The following SEC14L2 variants were observed in gnomAD, a reference collection of about 807,000 sequenced individuals.
The protein encoded by SEC14L2 is SEC14 like lipid binding 2, also known as SEC14-like protein 2.
SEC14L2 carries 50 observed loss-of-function variants against 56.9 expected under a neutral mutation model. The ratio of observed to expected loss-of-function variants is 0.88; its 90% CI spans 0.70 to 1.11. SEC14L2 has a LOEUF of 1.11. Among genes scored for constraint, SEC14L2 ranks in the 50% most tolerant of loss-of-function variants. SEC14L2 has a pLI of 0.00. For synonymous variants in SEC14L2, 179 were observed against 188.5 expected, an observed-to-expected ratio of 0.95 and a Z score of 0.41; for missense variants, 414 against 500.7, an observed-to-expected ratio of 0.83 and a Z score of 1.65.
At chr22:30,405,415 G>A (rs573563141) in intron 2 of SEC14L2, among the ~76,000 whole-genome samples, 1 of 152,274 alleles carries the variant, frequency 6.6e-6, no homozygotes, top group East Asian at 1.9e-4. Context: ...GGGAGCAAGT[G>A]GCCTTGGGGG....
At chr22:30,399,834 G>C (rs1933876714) in intron 2 of SEC14L2, 116 bp downstream of exon 2, 2 of 756,084 alleles carry the variant, frequency 2.6e-6, no homozygotes, top group Non-Finnish European at 4.2e-6. Flanking sequence ...CCAACCTTTA[G>C]CGCCAAAGGG....
chr22:30,407,058 CCCT>C (rs1341437015), intron 3 of SEC14L2, 34 bp from the exon 4 acceptor site: 1 of 1,607,346 alleles, frequency 6.2e-7, no homozygotes, highest in African/African-American at 1.3e-5. Context: ...GGCTGTCCAT[CCCT>C]CCTTTTAAAA....
chr22:30,411,742 C>CAAAA (rs60530235), intron 8 of SEC14L2, among the ~76,000 whole-genome samples: 2 of 67,810 alleles, frequency 2.9e-5, no homozygotes, highest in African/African-American at 6.5e-5. Context: ...GACTCCGTCT[C>CAAAA]AAAAAAAAAA....
chr22:30,409,580 AG>A, intron 7 of SEC14L2, 94 bp downstream of exon 7: 1 of 1,144,092 alleles, frequency 8.7e-7, no homozygotes, highest in Non-Finnish European at 1.3e-6. Flanking sequence ...GAGCCAAAAG[AG>A]GGGGTCTGAG....
At chr22:30,412,847 A>C (rs200290209) in intron 8 of SEC14L2, among the ~76,000 whole-genome samples, 1 of 130,286 alleles carries the variant, frequency 7.7e-6, no homozygotes, top group Non-Finnish European at 1.6e-5. Context: ...AAACAAAAAA[A>C]CAAAAAAAAA....
intron 2 of SEC14L2, among the ~76,000 whole-genome samples, chr22:30,402,219 A>C (rs1198255533): frequency 6.6e-6 from 1 of 152,172 alleles, no homozygotes; most frequent in African/African-American, 2.4e-5. Context: ...CTGCAGCTAG[A>C]AGCAGGTGGG....
intron 4 of SEC14L2, 113 bp from the exon 5 acceptor site, chr22:30,407,302 T>C (rs1160736867): frequency 1.4e-6 from 2 of 1,444,548 alleles, no homozygotes; most frequent in Non-Finnish European, 1.9e-6. Flanking sequence ...CATCTGTTGG[T>C]ACCCAGGAGA....
chr22:30,400,320 G>A (rs553791365), intron 2 of SEC14L2: 1 of 152,470 alleles, frequency 6.6e-6, no homozygotes, highest in African/African-American at 2.4e-5. Context: ...CCTTGTTCAG[G>A]GTAAATACTT....
intron 11 of SEC14L2, chr22:30,416,955 A>C (rs922529361): frequency 1.4e-6 from 1 of 690,826 alleles, no homozygotes; most frequent in Middle Eastern, 7.3e-4. Context: ...AATACCATTA[A>C]AATTCCCCTT....
chr22:30,407,683 A>G, intron 5 of SEC14L2, 80 bp downstream of exon 5: 4 of 1,329,554 alleles, frequency 3.0e-6, no homozygotes, highest in Middle Eastern at 4.0e-4. Context: ...ACACAGGAAT[A>G]TAAGCACAGC....
chr22:30,407,619 T>C lies in SEC14L2; in HGVS notation c.423+16T>C. 3.1e-6 allele frequency: 5 copies of C among 1,608,078 alleles called. No homozygotes were observed. Among genetic ancestry groups the C allele is most frequent in the African/African-American group, 1.3e-5 (1 of 74,752 alleles). The stretch of plus-strand genomic sequence containing the variant: ...GACCACAAAGGTGAGTGGACCACCA[T>C]GGCTAGAAATGAGTTGACCACAGCA... On this transcript the variant is annotated intron_variant, in intron 5 of 11. Coordinates refer to ENST00000615189, the MANE Select transcript of SEC14L2 (RefSeq NM_012429.5).
chr22:30,403,126 T>C (rs1933987879), intron 2 of SEC14L2, among the ~76,000 whole-genome samples: 2 of 152,138 alleles, frequency 1.3e-5, no homozygotes, highest in Non-Finnish European at 2.9e-5. Context: ...CTTTTCTCTT[T>C]CTCTCCTTCA....
rs1379171709 is a variant in SEC14L2, at chr22:30,416,025, G to A, written c.849G>A (p.Gln283=). ...QVKQQYEHSV[Q]ISRGSSHQVE... ...AACAGCAGTATGAACACAGCGTGCA[G>A]ATTTCCCGTGGCTCCTCCCACCAAG... The change falls in exon 10 of 12, where the codon CAG becomes CAA. Residue 283 remains glutamine (Q), a synonymous_variant. Coordinates refer to ENST00000615189, the MANE Select transcript of SEC14L2 (RefSeq NM_012429.5). 1 of 1,614,262 alleles carries A rather than the reference G, an allele frequency of 6.2e-7. No individual in the cohort carries two copies. The highest frequency in any genetic ancestry group is 8.5e-7 in the Non-Finnish European group (1 of 1,180,052).
intron 1 of SEC14L2, 126 bp from the exon 2 acceptor site, chr22:30,399,513 CAAAA>C (rs60817387): frequency 0.044 from 10,566 of 239,592 alleles, no homozygotes; most frequent in South Asian, 0.091. Context: ...GACTCTATCT[CAAAA>C]AAAAAAAAAA....
intron 2 of SEC14L2, among the ~76,000 whole-genome samples, chr22:30,401,186 G>GATTT (rs55835116): frequency 0.24 from 34,825 of 146,294 alleles, 4,797 homozygotes; most frequent in South Asian, 0.42. Flanking sequence ...GGTCTCAAGT[G>GATTT]ATTTATTTAT....
intron 8 of SEC14L2, among the ~76,000 whole-genome samples, chr22:30,413,114 C>T (rs1200548121): frequency 6.6e-6 from 1 of 152,200 alleles, no homozygotes; most frequent in Non-Finnish European, 1.5e-5. Context: ...TATCAAATAA[C>T]AGCAGCAGCT....
intron 8 of SEC14L2, among the ~76,000 whole-genome samples, chr22:30,411,684 T>G (rs962713239): frequency 7.8e-6 from 1 of 128,058 alleles, no homozygotes; most frequent in Admixed American, 9.6e-5. Flanking sequence ...AGGTGGAAGG[T>G]TGCAGTGAGC....
intron 8 of SEC14L2, 71 bp downstream of exon 8, chr22:30,410,750 G>A: frequency 7.0e-7 from 1 of 1,430,684 alleles, no homozygotes; most frequent in Non-Finnish European, 9.9e-7. Flanking sequence ...CTTTAGGGGT[G>A]TGGCCGTAGC....
At chr22:30,404,799 A>G (rs1284811993) in intron 2 of SEC14L2, among the ~76,000 whole-genome samples, 2 of 152,138 alleles carry the variant, frequency 1.3e-5, no homozygotes, top group East Asian at 1.9e-4. Flanking sequence ...GCTGGGCACA[A>G]TGTCTCATGC....
Sources: gnomAD v4.1 joint callset for allele counts (sites outside exome capture counted in the v4.1 genomes callset) on GRCh38, gnomAD v4.1.1 for gene constraint, MANE v1.5 for transcripts, NCBI Gene and HGNC (gene_info 2026-07-23, HGNC 2026-07-21) for gene names.